Variants in PCDHA2 observed in about 807,000 individuals in gnomAD.
PCDHA2 encodes the protein protocadherin alpha 2, also known as protocadherin alpha-2.
In PCDHA2, 58 loss-of-function variants were observed where a neutral mutation model predicts 66.0. The ratio of observed to expected loss-of-function variants is 0.88; its 90% CI spans 0.71 to 1.09. The LOEUF (loss-of-function observed/expected upper bound fraction) is 1.09. Ranked by LOEUF, PCDHA2 falls within the 50% of genes least tolerant of loss-of-function variation. PCDHA2 has a pLI of 0.00. For missense variants in PCDHA2, 1,267 were observed against 1,242.3 expected, an observed-to-expected ratio of 1.02 and a Z score of -0.30; for synonymous variants, 634 against 554.0, an observed-to-expected ratio of 1.14 and a Z score of -2.03.
At chr5:140,822,610 T>C (rs1767364157) in intron 1 of PCDHA2, 10 of 1,611,874 alleles carry the variant, frequency 6.2e-6, no homozygotes, top group Non-Finnish European at 8.5e-6. Context: ...AATAGTGTAT[T>C]TCTTTAGTAA....
chr5:140,800,914 A>T (rs1244602507), intron 1 of PCDHA2: 4 of 577,604 alleles, frequency 6.9e-6, no homozygotes, highest in Non-Finnish European at 1.0e-5. Context: ...AGGATATTAC[A>T]ATTGAAACTA....
intron 1 of PCDHA2, chr5:140,881,444 A>C (rs2058716592): frequency 1.2e-6 from 1 of 800,270 alleles, no homozygotes; most frequent in African/African-American, 1.9e-5. Context: ...ATAAAAACAG[A>C]ATCCAAAACC....
chr5:140,998,569 GTT>G (rs71574497), intron 3 of PCDHA2, among the ~76,000 whole-genome samples: 14 of 149,410 alleles, frequency 9.4e-5, no homozygotes, highest in Admixed American at 6.7e-4. Flanking sequence ...TTGTAAATAA[GTT>G]TTTTTTTTTT....
At chr5:140,991,422 T>G (rs140209692) in intron 3 of PCDHA2, among the ~76,000 whole-genome samples, 7 of 152,330 alleles carry the variant, frequency 4.6e-5, no homozygotes, top group Admixed American at 1.3e-4. Context: ...TATAACAAAT[T>G]AACCATAAAC....
intron 1 of PCDHA2, among the ~76,000 whole-genome samples, chr5:140,941,202 C>CCTTTCTTCCTTCCTTTCTTT (rs1394736170): frequency 8.1e-5 from 10 of 122,740 alleles, no homozygotes; most frequent in African/African-American, 2.1e-4. Context: ...TTTCTTTCTT[C>CCTTTCTTCCTTCCTTTCTTT]CTTTCTTTCT....
intron 1 of PCDHA2, chr5:140,802,203 G>T: frequency 6.2e-7 from 1 of 1,614,220 alleles, no homozygotes; most frequent in Non-Finnish European, 8.5e-7. Flanking sequence ...TCACTGCACA[G>T]TTCTACTCGA....
chr5:140,795,413 C>T lies in PCDHA2; in HGVS notation c.449C>T (p.Ser150Phe). 6.2e-7 allele frequency: 1 copy of T among 1,614,192 alleles called. No homozygotes were observed. Among genetic ancestry groups the T allele is most frequent in the African/African-American group, 1.3e-5 (1 of 75,038 alleles). The change falls in exon 1 of 4, where the codon TCT becomes TTT. Residue 150 changes from serine to phenylalanine, a missense_variant. Coordinates refer to ENST00000526136, the MANE Select transcript of PCDHA2 (RefSeq NM_018905.3). ...TTTCCCGAATCAAGGCTGCTTGATTCTCGGTTTCCTCTAGAGGGAGCATCT... is the reference window on the plus strand; with the variant it reads ...TTTCCCGAATCAAGGCTGCTTGATTTTCGGTTTCCTCTAGAGGGAGCATCT... ...IRFPESRLLD[S>F]RFPLEGASDA...
At position 140,843,135 on chromosome 5, in the gene PCDHA2, C is replaced by T. The variant is rs2150353649; in HGVS notation, c.2388+45783C>T. 5 of 1,596,024 alleles carry T rather than the reference C, an allele frequency of 3.1e-6. No individual in the cohort carries two copies. The highest frequency in any genetic ancestry group is 3.4e-6 in the Non-Finnish European group (4 of 1,165,590). On this transcript the variant is annotated intron_variant, in intron 1 of 3. Transcript: ENST00000526136. ...GTGGACGCCGACTCGGGCTACAACG[C>T]GTGGCTTTCGTATGAGCTGCAGCCA...
chr5:140,801,814 C>A (rs1163331311), intron 1 of PCDHA2: 1 of 1,614,124 alleles, frequency 6.2e-7, no homozygotes. Flanking sequence ...GAGGACACTC[C>A]TAAGCATTAT....
intron 1 of PCDHA2, chr5:140,857,828 C>A (rs781917564): frequency 2.5e-6 from 4 of 1,597,660 alleles, no homozygotes; most frequent in African/African-American, 1.3e-5. Flanking sequence ...GGCTAAGGTG[C>A]GCGCAGTGGA....
At chr5:140,981,191 G>A (rs2096922052) in intron 2 of PCDHA2, among the ~76,000 whole-genome samples, 2 of 152,178 alleles carry the variant, frequency 1.3e-5, no homozygotes, top group South Asian at 4.1e-4. Context: ...AAGTTTGCCT[G>A]CTCTGTTGCC....
At chr5:140,970,597 TA>T (rs2096419556) in intron 1 of PCDHA2, among the ~76,000 whole-genome samples, 4 of 152,198 alleles carry the variant, frequency 2.6e-5, no homozygotes, top group Non-Finnish European at 5.9e-5. Context: ...TGCTTTGTGA[TA>T]CTTAAAACTT....
chr5:140,833,460 T>A (rs1440945863), intron 1 of PCDHA2, among the ~76,000 whole-genome samples: 1 of 152,148 alleles, frequency 6.6e-6, no homozygotes, highest in African/African-American at 2.4e-5. Context: ...AAAATAAACT[T>A]ACATTTTAAA....
intron 1 of PCDHA2, among the ~76,000 whole-genome samples, chr5:140,957,690 T>G (rs2095375856): frequency 6.6e-6 from 1 of 152,060 alleles, no homozygotes; most frequent in South Asian, 2.1e-4. Context: ...ATCTAGACAA[T>G]GAACATTATG....
Position 140,797,220 on chromosome 5 carries a change from G to T in PCDHA2, c.2256G>T (p.Gln752His), listed in dbSNP as rs1466884034. ...CCGTGGGGAGCTGGTCTTACTCGCA[G>T]CAGAGGCGGCAGAGGGTGTGCTCTG... ...SSAVGSWSYS[Q>H]QRRQRVCSGE... is the part of the protein sequence containing the mutation. The change falls in exon 1 of 4, where the codon CAG becomes CAT. Residue 752 changes from glutamine to histidine, a missense_variant. Transcript: ENST00000526136. 6.2e-7 allele frequency: 1 copy of T among 1,614,214 alleles called. No individual in the cohort carries two copies. The highest frequency in any genetic ancestry group is 8.5e-7 in the Non-Finnish European group (1 of 1,180,046).
At chr5:140,863,761 A>C (rs1000713461) in intron 1 of PCDHA2, 5 of 242,322 alleles carry the variant, frequency 2.1e-5, no homozygotes, top group Non-Finnish European at 3.3e-5. Flanking sequence ...CACTTTGGGA[A>C]GCCGAGGCGG....
At chr5:140,910,067 G>C (rs868941459) in intron 1 of PCDHA2, among the ~76,000 whole-genome samples, 1 of 152,194 alleles carries the variant, frequency 6.6e-6, no homozygotes, top group Non-Finnish European at 1.5e-5. Flanking sequence ...TTTTAACAGC[G>C]TAAATTGTTG....
intron 3 of PCDHA2, among the ~76,000 whole-genome samples, chr5:140,988,734 T>C (rs2097310672): frequency 1.3e-5 from 2 of 152,212 alleles, no homozygotes. Context: ...ATAGTAATTA[T>C]TCTAGGATTG....
chr5:140,901,953 G>T (rs545807968), intron 1 of PCDHA2, among the ~76,000 whole-genome samples: 1 of 151,712 alleles, frequency 6.6e-6, no homozygotes, highest in African/African-American at 2.4e-5. Flanking sequence ...AGTTTTATTC[G>T]TGGCTATCGT....
Sources: allele counts gnomAD v4.1 joint callset (sites outside exome capture counted in the v4.1 genomes callset), GRCh38; gene constraint gnomAD v4.1.1; transcripts MANE v1.5; gene names NCBI Gene and HGNC (gene_info 2026-07-23, HGNC 2026-07-21).